CYP7B1: variants seen among roughly 807,000 people sequenced by gnomAD.
The protein encoded by CYP7B1 is cytochrome P450 7B1.
In CYP7B1, 29 loss-of-function variants were observed where a neutral mutation model predicts 42.7. That is an observed-to-expected ratio of 0.68 (90% confidence interval 0.51 to 0.93). The LOEUF (loss-of-function observed/expected upper bound fraction) is 0.93, where lower values mean the gene tolerates loss of function less well. CYP7B1 is among the 40% of genes least tolerant of loss of function. CYP7B1 has a pLI of 0.00. For synonymous variants in CYP7B1, 235 were observed against 218.2 expected (o/e 1.08, Z -0.68); for missense variants, 655 against 600.5 (o/e 1.09, Z -0.95).
At chr8:64,698,334 G>C (rs974407060) in intron 1 of CYP7B1, among the ~76,000 whole-genome samples, 19 of 152,006 alleles carry the variant, frequency 1.2e-4, no homozygotes, top group East Asian at 3.9e-4. Flanking sequence ...CCAGCAGCAG[G>C]GGGGGGAAAA....
At chr8:64,603,958 A>T (rs968258455) in intron 5 of CYP7B1, among the ~76,000 whole-genome samples, 45 of 152,250 alleles carry the variant, frequency 3.0e-4, no homozygotes, top group African/African-American at 9.6e-4. Context: ...CTACTGCAGC[A>T]ACATTACTTC....
intron 1 of CYP7B1, among the ~76,000 whole-genome samples, chr8:64,672,851 A>G (rs999656390): frequency 6.6e-6 from 1 of 152,168 alleles, no homozygotes; most frequent in Non-Finnish European, 1.5e-5. Flanking sequence ...CAGGGCAATC[A>G]TCAATGAGTG....
At chr8:64,798,386 G>T in intron 1 of CYP7B1, 80 bp downstream of exon 1, 1 of 1,421,410 alleles carries the variant, frequency 7.0e-7, no homozygotes, top group Non-Finnish European at 9.1e-7. Flanking sequence ...ATCATGGAGG[G>T]GGACTCCCCT....
chr8:64,628,407 G>C (rs1197541971), intron 1 of CYP7B1, among the ~76,000 whole-genome samples: 1 of 152,088 alleles, frequency 6.6e-6, no homozygotes. Flanking sequence ...CCAACACTTT[G>C]GGAGGCTGAG....
intron 1 of CYP7B1, among the ~76,000 whole-genome samples, chr8:64,794,335 C>T (rs1804671160): frequency 6.6e-6 from 1 of 152,250 alleles, no homozygotes; most frequent in South Asian, 2.1e-4. Context: ...AGGCTTCAGC[C>T]ACTGCCCACC....
chr8:64,741,555 G>A (rs1342490025), intron 1 of CYP7B1, among the ~76,000 whole-genome samples: 1 of 152,108 alleles, frequency 6.6e-6, no homozygotes, highest in Non-Finnish European at 1.5e-5. Context: ...CTGACCTCAG[G>A]TGATCCCCCA....
At position 64,768,637 on chromosome 8, in the gene CYP7B1, CATTT is replaced by C. The variant is rs1804152853; in HGVS notation, c.122+29825_122+29828del. Among the ~76,000 whole-genome samples the C allele has an allele frequency of 2.6e-5, 4 of 152,204 alleles. No individual in the cohort carries two copies. In the South Asian group the frequency reaches 8.3e-4, roughly 32 times the overall value. ...ACTAAGCACTTAACATCTTCTGTCT[CATTT>C]ATGCCTCATGTCAAACTATGAGATA... On this transcript the variant is annotated intron_variant, in intron 1 of 5. Transcript: ENST00000310193.
At chr8:64,598,957 C>G (rs1805158381) in intron 5 of CYP7B1, among the ~76,000 whole-genome samples, 1 of 152,152 alleles carries the variant, frequency 6.6e-6, no homozygotes, top group East Asian at 1.9e-4. Flanking sequence ...TTGCAATTTG[C>G]CCTATTGCCT....
intron 1 of CYP7B1, among the ~76,000 whole-genome samples, chr8:64,790,323 C>T (rs1804596566): frequency 1.3e-5 from 2 of 152,098 alleles, no homozygotes; most frequent in Admixed American, 6.5e-5. Flanking sequence ...AGTTCACTTC[C>T]ACCTAAAGGC....
intron 1 of CYP7B1, among the ~76,000 whole-genome samples, chr8:64,650,787 TAC>T: frequency 6.6e-6 from 1 of 152,332 alleles, no homozygotes; most frequent in East Asian, 1.9e-4. Flanking sequence ...CTAAGAAACT[TAC>T]AATTTAATAA....
At chr8:64,710,199 A>C (rs1807060865) in intron 1 of CYP7B1, among the ~76,000 whole-genome samples, 1 of 152,140 alleles carries the variant, frequency 6.6e-6, no homozygotes, top group Admixed American at 6.6e-5. Context: ...CACAGATCTG[A>C]CCAGGTCACC....
intron 1 of CYP7B1, among the ~76,000 whole-genome samples, chr8:64,785,774 G>A (rs1386688560): frequency 1.3e-5 from 2 of 152,110 alleles, no homozygotes; most frequent in East Asian, 1.9e-4. Context: ...GTATGATACT[G>A]TAACTGTATT....
chr8:64,705,779 T>C (rs564562020), intron 1 of CYP7B1, among the ~76,000 whole-genome samples: 1 of 152,198 alleles, frequency 6.6e-6, no homozygotes, highest in African/African-American at 2.4e-5. Flanking sequence ...GAAAGATTAA[T>C]TAAAAATTTC....
intron 1 of CYP7B1, among the ~76,000 whole-genome samples, chr8:64,650,450 C>A (rs1563377262): frequency 2.6e-5 from 4 of 152,012 alleles, no homozygotes. Context: ...GAGTTCGAGA[C>A]CAGCGTGGCC....
intron 1 of CYP7B1, among the ~76,000 whole-genome samples, chr8:64,641,427 G>C (rs372079296): frequency 6.6e-6 from 1 of 152,126 alleles, no homozygotes; most frequent in African/African-American, 2.4e-5. Flanking sequence ...TTGAGTCTCA[G>C]AAGGTTTTAA....
chr8:64,738,343 G>A (rs1807520553), intron 1 of CYP7B1, among the ~76,000 whole-genome samples: 1 of 151,932 alleles, frequency 6.6e-6, no homozygotes, highest in Non-Finnish European at 1.5e-5. Context: ...CACTTTAAAT[G>A]TGCTACTCTA....
intron 1 of CYP7B1, among the ~76,000 whole-genome samples, chr8:64,664,601 G>T (rs554340846): frequency 6.6e-6 from 1 of 152,124 alleles, no homozygotes; most frequent in Non-Finnish European, 1.5e-5. Flanking sequence ...CAGTCTGCAG[G>T]CTTGACGATC....
At chr8:64,638,564 T>C (rs534784448) in intron 1 of CYP7B1, among the ~76,000 whole-genome samples, 18 of 152,246 alleles carry the variant, frequency 1.2e-4, no homozygotes, top group Non-Finnish European at 4.4e-5. Context: ...TATTTCCATT[T>C]GTGGAGATAA....
intron 1 of CYP7B1, among the ~76,000 whole-genome samples, chr8:64,653,740 A>C (rs1175896295): frequency 6.6e-6 from 1 of 152,248 alleles, no homozygotes; most frequent in Non-Finnish European, 1.5e-5. Flanking sequence ...CATCGATGCA[A>C]AAATCCTCAA....
Sources: allele counts gnomAD v4.1 joint callset (sites outside exome capture counted in the v4.1 genomes callset), GRCh38; gene constraint gnomAD v4.1.1; transcripts MANE v1.5; gene names NCBI Gene and HGNC (gene_info 2026-07-23, HGNC 2026-07-21).